The following BIN1 variants were observed in gnomAD, a reference collection of about 807,000 sequenced individuals.
BIN1 encodes bridging integrator 1.
In BIN1, 53 loss-of-function variants were observed where a neutral mutation model predicts 82.0. The ratio of observed to expected loss-of-function variants is 0.65; its 90% CI spans 0.52 to 0.81. BIN1 has a LOEUF of 0.81. Among genes scored for constraint, BIN1 ranks in the 40% least tolerant of loss-of-function variants. The probability of loss-of-function intolerance (pLI) is 0.00; values close to 1 mark genes in which losing one functional copy is unlikely to be tolerated. For synonymous variants in BIN1, 302 were observed against 328.0 expected, an observed-to-expected ratio of 0.92 and a Z score of 0.86; for missense variants, 642 against 784.4, an observed-to-expected ratio of 0.82 and a Z score of 2.17.
intron 1 of BIN1, among the ~76,000 whole-genome samples, chr2:127,099,377 C>CG (rs1680001910): frequency 6.8e-6 from 1 of 146,306 alleles, no homozygotes; most frequent in South Asian, 2.1e-4. Context: ...TGTGTGGTAG[C>CG]GGGGGCAGTG....
chr2:127,101,006 T>TGGGGGGGGGGGGGGGGGG (rs368156938), intron 1 of BIN1, among the ~76,000 whole-genome samples: 1 of 109,206 alleles, frequency 9.2e-6, no homozygotes. Flanking sequence ...GTGCGGGGGG[T>TGGGGGGGGGGGGGGGGGG]GGGGATAGAC....
In BIN1 at chr2:127,053,407, A is replaced by G; in HGVS notation, c.1263+15T>C. 1 of 1,613,942 alleles carries G rather than the reference A, an allele frequency of 6.2e-7. No homozygotes were observed. Among genetic ancestry groups the G allele is most frequent in the Non-Finnish European group, 8.5e-7 (1 of 1,179,912 alleles). On this transcript the variant is annotated intron_variant, in intron 14 of 18. Transcript: ENST00000316724. The stretch of plus-strand genomic sequence containing the variant: ...CTCCCCCAGGGGCTGGACAAAGAGC[A>G]GACGTGCAGCTTACCTCCCAGAGGT...
At chr2:127,081,124 C>A (rs1024779379) in intron 1 of BIN1, among the ~76,000 whole-genome samples, 1 of 152,208 alleles carries the variant, frequency 6.6e-6, no homozygotes, top group Admixed American at 6.5e-5. Flanking sequence ...CAGGCAAGGC[C>A]CTGACCCACA....
In BIN1 at chr2:127,107,026, G is replaced by T. The variant is rs1324175946; in HGVS notation, c.-83C>A. The T allele has an allele frequency of 1.1e-5, 15 of 1,390,708 alleles. No individual in the cohort carries two copies. The highest frequency in any genetic ancestry group is 1.4e-5 in the Non-Finnish European group (15 of 1,064,704). The allele number at this position is 1,390,708 out of a possible 1,614,324, so 86.1% of individuals were successfully genotyped here. ...GCCGCGCTCCCAGCCCCCAGCCCCG[G>T]CCGCGCGTCCAGACCGGCTGCCGCT... On this transcript the variant is annotated 5_prime_UTR_variant, in exon 1 of 19. Coordinates refer to ENST00000316724, the MANE Select transcript of BIN1 (RefSeq NM_139343.3). The surrounding 1 kb of genome is among the most constrained non-coding windows in gnomAD (Gnocchi z 5.9).
At position 127,052,105 on chromosome 2, in the gene BIN1, T is replaced by C. The variant is rs534485719; in HGVS notation, c.1371+150A>G. 3 of 899,902 alleles carry C rather than the reference T, an allele frequency of 3.3e-6. No homozygotes were observed. In the African/African-American group the frequency reaches 4.9e-5, roughly 15 times the overall value. The allele number at this position is 899,902 out of a possible 1,614,324, so 55.7% of individuals were successfully genotyped here. ...CCTGGCAGCCTTGGTGACAAGCCCGTGCTGGGGCAGCCTAGCTCAGGACCC... is the reference window on the plus strand; with the variant it reads ...CCTGGCAGCCTTGGTGACAAGCCCGCGCTGGGGCAGCCTAGCTCAGGACCC... On this transcript the variant is annotated intron_variant, in intron 15 of 18. Transcript: ENST00000316724.
intron 1 of BIN1, among the ~76,000 whole-genome samples, chr2:127,101,941 G>T (rs1310659497): frequency 6.6e-6 from 1 of 152,202 alleles, no homozygotes; most frequent in Non-Finnish European, 1.5e-5. Flanking sequence ...AGGAAGCGGG[G>T]CCATGCAGGA....
At chr2:127,056,003 G>A (rs1683616674) in intron 12 of BIN1, 2 of 152,252 alleles carry the variant, frequency 1.3e-5, no homozygotes. Flanking sequence ...CTGGGTGCGG[G>A]TGGTCTCTGC....
intron 12 of BIN1, chr2:127,056,233 C>T (rs954024318): frequency 6.6e-6 from 1 of 152,446 alleles, no homozygotes; most frequent in African/African-American, 2.4e-5. Context: ...TGGGCATCAC[C>T]AGGGCGGAGG....
At chr2:127,079,448 C>A (rs576511528) in intron 1 of BIN1, among the ~76,000 whole-genome samples, 1 of 152,212 alleles carries the variant, frequency 6.6e-6, no homozygotes, top group Admixed American at 6.5e-5. Flanking sequence ...TGACTGACAC[C>A]GCCAGCCCTC....
chr2:127,071,967 G>A (rs756999539), intron 2 of BIN1, among the ~76,000 whole-genome samples: 2 of 152,174 alleles, frequency 1.3e-5, no homozygotes, highest in Non-Finnish European at 2.9e-5. Flanking sequence ...TCGGGAGAGC[G>A]GCAGTGGCTG....
intron 1 of BIN1, among the ~76,000 whole-genome samples, chr2:127,099,368 G>GTGTA (rs1679998680): frequency 6.6e-6 from 1 of 151,950 alleles, no homozygotes; most frequent in Admixed American, 6.6e-5. Context: ...GTGTGTGTGT[G>GTGTA]TGTGGTAGCG....
rs977276006 is a variant in BIN1, at chr2:127,070,462, G to C, written c.315+91C>G. On this transcript the variant is annotated intron_variant, in intron 4 of 18. Transcript: ENST00000316724. ...AGCACGCGAATGCCCGAGAACCAGA[G>C]AGGCTTGTCCCAGAGGGCACGGCAG... 11 of 1,485,522 alleles carry C rather than the reference G, an allele frequency of 7.4e-6. No individual in the cohort carries two copies. The Admixed American group carries it at 1.7e-4, about 23-fold the overall frequency. The allele number at this position is 1,485,522 out of a possible 1,614,324, so 92.0% of individuals were successfully genotyped here. A position where few individuals can be genotyped will look rare whatever the true frequency, so the allele number is the denominator to read the frequency against.
At chr2:127,071,107 G>A (rs1046724667) in intron 2 of BIN1, among the ~76,000 whole-genome samples, 2 of 152,150 alleles carry the variant, frequency 1.3e-5, no homozygotes, top group Admixed American at 6.5e-5. Context: ...ATGACGTGCT[G>A]GAGGTACGGC....
At chr2:127,077,217 G>A (rs1283259566) in intron 1 of BIN1, among the ~76,000 whole-genome samples, 1 of 152,220 alleles carries the variant, frequency 6.6e-6, no homozygotes, top group African/African-American at 2.4e-5. Flanking sequence ...GGAGGGCAGC[G>A]AGCGGTGGCC....
intron 7 of BIN1, among the ~76,000 whole-genome samples, chr2:127,065,295 GA>G (rs1192783844): frequency 1.3e-5 from 2 of 152,070 alleles, no homozygotes; most frequent in Non-Finnish European, 2.9e-5. Flanking sequence ...TTTAAAGGCA[GA>G]ATGGGGAGCG....
chr2:127,075,803 C>G (rs1411365321), intron 2 of BIN1, among the ~76,000 whole-genome samples: 12 of 110,550 alleles, frequency 1.1e-4, no homozygotes, highest in African/African-American at 4.4e-4. Context: ...CCAGCTGCCC[C>G]CCCCACCGCC....
At chr2:127,060,888 C>A (rs1684362534) in intron 10 of BIN1, among the ~76,000 whole-genome samples, 2 of 152,202 alleles carry the variant, frequency 1.3e-5, no homozygotes, top group South Asian at 4.1e-4. Flanking sequence ...AGGCTCGGGG[C>A]AGTGGAGAGT....
At position 127,054,227 on chromosome 2, in the gene BIN1, C is replaced by T. The variant is rs1025735839; in HGVS notation, c.1132-215G>A. 42 of 598,812 alleles carry T rather than the reference C, an allele frequency of 7.0e-5. 1 individual carries two copies. The highest frequency in any genetic ancestry group is 6.2e-4 in the South Asian group (34 of 54,470). 37.1% of individuals were successfully genotyped at this position (598,812 alleles called of 1,614,324 possible). ...CACACGGGAGCACTGCCCAAAGCCA[C>T]GCGCCCCGGCACAGGCTCCCGCCCA... On this transcript the variant is annotated intron_variant, in intron 12 of 18. Transcript: ENST00000316724.
Position 127,063,980 on chromosome 2 carries a change from C to T in BIN1, c.651G>A (p.Glu217=). 6.2e-7 allele frequency: 1 copy of T among 1,613,928 alleles called. No homozygotes were observed. Among genetic ancestry groups the T allele is most frequent in the Non-Finnish European group, 8.5e-7 (1 of 1,180,014 alleles). ...CCTCCTGCAGATCCACATTCATCTC[C>T]TCAAACACCTTCTGGGCTTTGATGA... ...EELIKAQKVF[E]EMNVDLQEEL... The change falls in exon 8 of 19, where the codon GAG becomes GAA. Residue 217 remains glutamate, a synonymous_variant. Coordinates refer to ENST00000316724, the MANE Select transcript of BIN1 (RefSeq NM_139343.3).
Sources: allele counts gnomAD v4.1 joint callset (sites outside exome capture counted in the v4.1 genomes callset), GRCh38; gene constraint gnomAD v4.1.1; non-coding constraint Gnocchi (gnomAD v3.1); transcripts MANE v1.5; gene names NCBI Gene and HGNC (gene_info 2026-07-23, HGNC 2026-07-21).